The following ANKHD1 variants were observed in gnomAD, a reference collection of about 807,000 sequenced individuals.
ANKHD1 encodes the protein ankyrin repeat and KH domain containing 1.
In ANKHD1, 31 loss-of-function variants were observed where a neutral mutation model predicts 230.5. The ratio of observed to expected loss-of-function variants is 0.13; its 90% CI spans 0.10 to 0.18. The LOEUF (loss-of-function observed/expected upper bound fraction) is 0.18. ANKHD1 is among the 10% of genes least tolerant of loss of function. The pLI, the probability that ANKHD1 is intolerant of heterozygous loss-of-function variation, is 1.00. For missense variants in ANKHD1, 2,256 were observed against 3,071.3 expected (o/e 0.73, Z 6.27); for synonymous variants, 1,074 against 1,117.6 (o/e 0.96, Z 0.78).
In ANKHD1 at chr5:140,485,552, C is replaced by G; in HGVS notation, c.1999-37C>G. 1 of 1,609,748 alleles carries G rather than the reference C, an allele frequency of 6.2e-7. No homozygotes were observed. The highest frequency in any genetic ancestry group is 2.2e-5 in the East Asian group (1 of 44,786). The stretch of plus-strand genomic sequence containing the variant: ...TGATTTTATATGAGCTGCTAAGAAA[C>G]TATAAAGAATTAATTATCATGGCAA... On this transcript the variant is annotated intron_variant, in intron 12 of 33. Coordinates refer to ENST00000360839, the MANE Select transcript of ANKHD1 (RefSeq NM_017747.3). The surrounding 1 kb of genome is among the most constrained non-coding windows in gnomAD (Gnocchi z 4.8).
intron 4 of ANKHD1, 22 bp from the exon 5 acceptor site, chr5:140,440,973 T>C (rs772123651): frequency 6.5e-7 from 1 of 1,527,308 alleles, no homozygotes; most frequent in Non-Finnish European, 8.8e-7. Context: ...ACAATTTCTC[T>C]GTCTGTATAT....
intron 2 of ANKHD1, among the ~76,000 whole-genome samples, chr5:140,436,486 C>T (rs1381715793): frequency 1.3e-5 from 2 of 152,156 alleles, no homozygotes; most frequent in Non-Finnish European, 2.9e-5. Flanking sequence ...TGGCTCACGC[C>T]TGTAATCCCA....
At chr5:140,487,108 T>C (rs1334919190) in intron 14 of ANKHD1, 48 bp downstream of exon 14, 2 of 1,564,588 alleles carry the variant, frequency 1.3e-6, no homozygotes, top group African/African-American at 1.4e-5. Flanking sequence ...TTTCACCTAA[T>C]TGATAAATCC....
At chr5:140,418,155 T>TC (rs1200518241) in intron 1 of ANKHD1, among the ~76,000 whole-genome samples, 10 of 149,972 alleles carry the variant, frequency 6.7e-5, no homozygotes, top group African/African-American at 1.5e-4. Flanking sequence ...TTTTTTTTTT[T>TC]TTTTTTTTTG....
chr5:140,507,674 T>A lies in ANKHD1; in HGVS notation c.3552-111T>A. 4.9e-6 allele frequency: 6 copies of A among 1,235,818 alleles called. No individual in the cohort carries two copies. The highest frequency in any genetic ancestry group is 2.8e-4 in the Middle Eastern group (1 of 3,520). 76.6% of individuals were successfully genotyped at this position (1,235,818 alleles called of 1,614,324 possible). On this transcript the variant is annotated intron_variant, in intron 19 of 33. Transcript: ENST00000360839. The surrounding 1 kb of genome is among the most constrained non-coding windows in gnomAD (Gnocchi z 4.1). ...ATTGGTCGAAACAAGTAAAATCTAT[T>A]CATTGATGTTAGAAACCTCTCTTTT...
intron 18 of ANKHD1, 25 bp downstream of exon 18, chr5:140,505,894 T>G: frequency 6.5e-7 from 1 of 1,549,462 alleles, no homozygotes; most frequent in Non-Finnish European, 8.7e-7. Context: ...ATTTTCATTT[T>G]GTAAATATTT....
rs377371985 is a variant in ANKHD1 at position 140,424,208 on chromosome 5, CTA to C, written c.307-11885_307-11884del. Reference sequence around the variant, plus strand: ...GCATCAAGAATAATAATACTAGCTACTATATATATATAGAGAGAGAGAGAGAG... The same window carrying C: ...GCATCAAGAATAATAATACTAGCTACTATATATATAGAGAGAGAGAGAGAG... On this transcript the variant is annotated intron_variant, in intron 1 of 33. Transcript: ENST00000360839. 1.6e-3 allele frequency among the ~76,000 whole-genome samples: 231 copies of C among 147,064 alleles called. 1 individual carries two copies. The East Asian group carries it at 0.022, about 14-fold the overall frequency.
chr5:140,512,237 CAAA>C (rs61129594), intron 22 of ANKHD1, among the ~76,000 whole-genome samples: 7 of 87,940 alleles, frequency 8.0e-5, no homozygotes, highest in South Asian at 3.7e-4. Flanking sequence ...ACTCCCATCT[CAAA>C]AAAAAAAAAA....
chr5:140,510,259 T>TTTC, intron 22 of ANKHD1, 78 bp downstream of exon 22: 1 of 1,458,542 alleles, frequency 6.9e-7, no homozygotes, highest in Non-Finnish European at 9.1e-7. Flanking sequence ...TAAGTTTATC[T>TTTC]TGGAGAATTG....
At chr5:140,492,990 G>C (rs1322506973) in intron 14 of ANKHD1, among the ~76,000 whole-genome samples, 1 of 152,120 alleles carries the variant, frequency 6.6e-6, no homozygotes, top group African/African-American at 2.4e-5. Context: ...TTCTAGTTTT[G>C]TTAATGGAGG....
intron 5 of ANKHD1, among the ~76,000 whole-genome samples, chr5:140,445,196 G>GTGGTATAATTGGCATAAT (rs1279871767): frequency 1.3e-5 from 2 of 151,690 alleles, no homozygotes; most frequent in Admixed American, 6.6e-5. Flanking sequence ...TTGGCCGGGC[G>GTGGTATAATTGGCATAAT]TGGTATAATT....
chr5:140,402,465 T>G (rs1325640255), intron 1 of ANKHD1, among the ~76,000 whole-genome samples, 192 bp downstream of exon 1: 1 of 152,144 alleles, frequency 6.6e-6, no homozygotes, highest in East Asian at 1.9e-4. Context: ...GCGGGACAGG[T>G]TCCCGTCACC....
chr5:140,521,743 G>T (rs567235758), intron 24 of ANKHD1, among the ~76,000 whole-genome samples: 1 of 152,312 alleles, frequency 6.6e-6, no homozygotes, highest in East Asian at 1.9e-4. Flanking sequence ...ACTTTGGGAG[G>T]CTGAAGTGGG....
chr5:140,528,926 A>G lies in ANKHD1; in HGVS notation c.5980A>G (p.Ile1994Val), dbSNP rs774156777. The G allele has an allele frequency of 1.8e-4, 287 of 1,614,064 alleles. No individual in the cohort carries two copies. The highest frequency in any genetic ancestry group is 2.2e-4 in the Non-Finnish European group (259 of 1,180,030). ...SSLPSVSSAP[I>V]TSGQAPTTFL... ...CCTGCCTTCTGTCTCCTCTGCACCT[A>G]TCACTAGCGGGCAAGCTCCCACCAC... The change falls in exon 29 of 34, where the codon ATC (isoleucine) becomes GTC (valine). Residue 1994 changes from isoleucine (I) to valine (V), a missense_variant. Transcript: ENST00000360839.
chr5:140,482,970 C>T (rs1255333400), intron 11 of ANKHD1, among the ~76,000 whole-genome samples: 2 of 152,112 alleles, frequency 1.3e-5, no homozygotes, highest in Non-Finnish European at 2.9e-5. Context: ...AATGATGAGT[C>T]TATTCTGCTG....
chr5:140,496,651 A>G lies in ANKHD1; in HGVS notation c.2377A>G (p.Ile793Val). Reference sequence around the variant, plus strand: ...CAAGCTGAATGAACTGGGACAAAGAATTAGTGCTATTGAAAAAGCACAGCT... The same window carrying G: ...CAAGCTGAATGAACTGGGACAAAGAGTTAGTGCTATTGAAAAAGCACAGCT... ...EGKLNELGQR[I>V]SAIEKAQLKS... is the part of the protein sequence containing the mutation. The change falls in exon 15 of 34, where the codon ATT (isoleucine) becomes GTT (valine). Residue 793 changes from isoleucine to valine, a missense_variant. Physicochemically the swap from Ile to Val is conservative, Grantham distance 29 (BLOSUM62 3). Coordinates refer to ENST00000360839, the MANE Select transcript of ANKHD1 (RefSeq NM_017747.3). 1.2e-6 allele frequency: 2 copies of G among 1,613,826 alleles called. No individual in the cohort carries two copies. Among genetic ancestry groups the G allele is most frequent in the Non-Finnish European group, 8.5e-7 (1 of 1,179,958 alleles).
chr5:140,514,097 A>T (rs1752878947), intron 24 of ANKHD1, among the ~76,000 whole-genome samples: 1 of 151,328 alleles, frequency 6.6e-6, no homozygotes, highest in Non-Finnish European at 1.5e-5. Context: ...AAGTGGAAGG[A>T]TCACTTGAGT....
Position 140,496,629 on chromosome 5 carries a change from G to A in ANKHD1, c.2355G>A (p.Lys785=). Residue 785 remains lysine, a synonymous_variant, in exon 15 of 34, where the codon AAG becomes AAA. Coordinates refer to ENST00000360839, the MANE Select transcript of ANKHD1 (RefSeq NM_017747.3). ...GCATAGTAGAGGAGACTGAAGGCAA[G>A]CTGAATGAACTGGGACAAAGAATTA... ...LECIVEETEG[K]LNELGQRISA... The A allele has an allele frequency of 6.2e-7, 1 of 1,613,784 alleles. No homozygotes were observed. Among genetic ancestry groups the A allele is most frequent in the Non-Finnish European group, 8.5e-7 (1 of 1,179,982 alleles).
At chr5:140,508,143 A>AGCT in intron 20 of ANKHD1, 145 bp downstream of exon 20, 1 of 1,155,222 alleles carries the variant, frequency 8.7e-7, no homozygotes, top group South Asian at 1.8e-5. Context: ...GCTGTATAAT[A>AGCT]GTGAGTGACA....
Sources: gnomAD v4.1 joint callset for allele counts (sites outside exome capture counted in the v4.1 genomes callset) on GRCh38, gnomAD v4.1.1 for gene constraint, Gnocchi (gnomAD v3.1) non-coding constraint, MANE v1.5 for transcripts, NCBI Gene and HGNC (gene_info 2026-07-23, HGNC 2026-07-21) for gene names.